Variants in ADAM23 observed in about 807,000 individuals in gnomAD.
The protein encoded by ADAM23 is ADAM metallopeptidase domain 23.
Under a neutral mutation model 120.1 loss-of-function variants are expected in ADAM23, and 33 were observed. That is an observed-to-expected ratio of 0.27 (90% confidence interval 0.21 to 0.37). ADAM23 has a LOEUF of 0.37. Among genes scored for constraint, ADAM23 ranks in the 10% least tolerant of loss-of-function variants. The pLI is 1.00. For synonymous variants in ADAM23, 367 were observed against 375.2 expected (o/e 0.98, Z 0.25); for missense variants, 862 against 1,058.2 (o/e 0.81, Z 2.57).
chr2:206,549,698 C>A (rs765929447), intron 8 of ADAM23, among the ~76,000 whole-genome samples: 3 of 151,914 alleles, frequency 2.0e-5, no homozygotes, highest in Non-Finnish European at 4.4e-5. Flanking sequence ...ATGAGTTTTA[C>A]ATAGATTTTC....
intron 18 of ADAM23, among the ~76,000 whole-genome samples, chr2:206,575,974 A>G (rs1435988640): frequency 6.6e-6 from 1 of 152,164 alleles, no homozygotes; most frequent in Non-Finnish European, 1.5e-5. Context: ...CCTAAGTAAC[A>G]TTTTTGTAAA....
intron 4 of ADAM23, among the ~76,000 whole-genome samples, chr2:206,541,435 A>G (rs931764184): frequency 2.0e-5 from 3 of 152,194 alleles, no homozygotes; most frequent in Admixed American, 6.5e-5. Context: ...TAGTCAGAAC[A>G]TAAAAAGTAT....
chr2:206,551,839 G>C (rs1235225053), intron 9 of ADAM23, among the ~76,000 whole-genome samples: 1 of 152,012 alleles, frequency 6.6e-6, no homozygotes, highest in Non-Finnish European at 1.5e-5. Flanking sequence ...TTTATTTTCT[G>C]TTCCAGTTGC....
Position 206,587,325 on chromosome 2 carries a change from T to C in ADAM23, c.1738T>C (p.Cys580Arg). Reference protein sequence around the residue: ...TEYCTGDSGQCPPNLHKQDGY... With the variant: ...TEYCTGDSGQRPPNLHKQDGY... ...TAACTAAAAAGATAATATTTTGCAG[T>C]GCCCACCAAATCTTCATAAGCAAGA... is the stretch of plus-strand genomic sequence containing the variant. Residue 580 changes from cysteine (C) to arginine (R), a missense_variant and splice_region_variant, in exon 19 of 26, where the codon TGC becomes CGC. Physicochemically the swap from Cys to Arg is radical, Grantham distance 180. This residue lies in a region of ADAM23 where 617 missense variants were observed against 813.5 expected (regional missense o/e 0.76). Coordinates refer to ENST00000264377, the MANE Select transcript of ADAM23 (RefSeq NM_003812.4). The C allele has an allele frequency of 6.2e-7, 1 of 1,606,430 alleles. No individual in the cohort carries two copies. Among genetic ancestry groups the C allele is most frequent in the Non-Finnish European group, 8.5e-7 (1 of 1,175,286 alleles).
chr2:206,552,673 T>C (rs191828268), intron 9 of ADAM23, among the ~76,000 whole-genome samples: 60 of 152,208 alleles, frequency 3.9e-4, no homozygotes, highest in Middle Eastern at 3.4e-3. Flanking sequence ...ATTATTGTTA[T>C]TATTTTGAGA....
intron 25 of ADAM23, among the ~76,000 whole-genome samples, chr2:206,614,144 T>C (rs945651099): frequency 1.3e-5 from 2 of 152,222 alleles, no homozygotes; most frequent in African/African-American, 2.4e-5. Flanking sequence ...TAGCTACTCC[T>C]TACATTAAAA....
chr2:206,588,523 C>T (rs1027630528), intron 20 of ADAM23, among the ~76,000 whole-genome samples: 1 of 152,136 alleles, frequency 6.6e-6, no homozygotes, highest in African/African-American at 2.4e-5. Context: ...CACAAGTTAG[C>T]TTTCTGGTTT....
At chr2:206,479,008 T>C (rs1695840778) in intron 2 of ADAM23, among the ~76,000 whole-genome samples, 1 of 152,180 alleles carries the variant, frequency 6.6e-6, no homozygotes, top group Non-Finnish European at 1.5e-5. Flanking sequence ...GACCATCACT[T>C]CTTAGAGGGC....
Position 206,592,639 on chromosome 2 carries a change from C to T in ADAM23, c.1981C>T (p.Leu661Phe), listed in dbSNP as rs1698446575. 6 of 1,610,992 alleles carry T rather than the reference C, an allele frequency of 3.7e-6. No individual in the cohort carries two copies. The highest frequency in any genetic ancestry group is 5.1e-6 in the Non-Finnish European group (6 of 1,178,594). ...SKHDVFCGFL[L>F]CTNLTRAPRI... ...CAGTGATGTGTTCTGTGGATTCTTACTCTGTACCAATCTTACTCGAGCTCC... is the reference window on the plus strand; with the variant it reads ...CAGTGATGTGTTCTGTGGATTCTTATTCTGTACCAATCTTACTCGAGCTCC... The change falls in exon 22 of 26, where the codon CTC (leucine) becomes TTC (phenylalanine). Residue 661 changes from leucine to phenylalanine, a missense_variant. By Grantham distance (22) the Leu-to-Phe change is conservative. Around this residue, in one of 4 missense-constraint regions of ADAM23, gnomAD observed 617 missense variants for 813.5 expected, o/e 0.76. Coordinates refer to ENST00000264377, the MANE Select transcript of ADAM23 (RefSeq NM_003812.4).
chr2:206,601,530 T>C (rs1192214434), intron 24 of ADAM23, among the ~76,000 whole-genome samples: 3 of 152,112 alleles, frequency 2.0e-5, no homozygotes, highest in African/African-American at 7.2e-5. Flanking sequence ...CCCAACACTT[T>C]AGGAAGCTGA....
rs114275547 is a variant in ADAM23, at chr2:206,520,562, C to T, written c.510-10323C>T. On this transcript the variant is annotated intron_variant, in intron 3 of 25. Coordinates refer to ENST00000264377, the MANE Select transcript of ADAM23 (RefSeq NM_003812.4). ...TTTTCTCTCACTCAGTATCTTCGGC[C>T]GTTAATTGAATGAGTGGAGGACAGT... Among the ~76,000 whole-genome samples the T allele has an allele frequency of 7.0e-3, 1,058 of 152,100 alleles. 8 individuals carry two copies. The highest frequency in any genetic ancestry group is 8.9e-3 in the Non-Finnish European group (603 of 68,004).
intron 22 of ADAM23, among the ~76,000 whole-genome samples, chr2:206,593,336 A>G (rs987150865): frequency 6.6e-5 from 10 of 152,196 alleles, no homozygotes; most frequent in African/African-American, 1.7e-4. Flanking sequence ...TAATTCGAAG[A>G]TACTATTCTC....
At chr2:206,593,202 G>T (rs531188698) in intron 22 of ADAM23, among the ~76,000 whole-genome samples, 3 of 152,256 alleles carry the variant, frequency 2.0e-5, no homozygotes, top group Middle Eastern at 3.4e-3. Flanking sequence ...TATGTATACC[G>T]ATAAGCAAAC....
chr2:206,606,598 A>G (rs1698732535), intron 24 of ADAM23: 2 of 152,200 alleles, frequency 1.3e-5, no homozygotes, highest in Admixed American at 6.5e-5. Flanking sequence ...GTGTAAATAA[A>G]TATATTGTGT....
intron 3 of ADAM23, among the ~76,000 whole-genome samples, chr2:206,485,511 G>A (rs1695992912): frequency 6.6e-6 from 1 of 152,232 alleles, no homozygotes; most frequent in Non-Finnish European, 1.5e-5. Context: ...AATCTTCAGA[G>A]TTGGTGACCT....
chr2:206,584,426 T>G (rs538608243), intron 18 of ADAM23, among the ~76,000 whole-genome samples: 1 of 152,272 alleles, frequency 6.6e-6, no homozygotes, highest in South Asian at 2.1e-4. Context: ...ACTCCCAAGA[T>G]TATATGCCCT....
chr2:206,562,129 A>G (rs933653517), intron 12 of ADAM23, 74 bp from the exon 13 acceptor site: 49 of 1,276,636 alleles, frequency 3.8e-5, no homozygotes, highest in Non-Finnish European at 5.3e-5. Context: ...ATTTGTGGTA[A>G]CAATTAAGAA....
intron 2 of ADAM23, among the ~76,000 whole-genome samples, chr2:206,460,480 G>A (rs572018445): frequency 3.9e-5 from 6 of 152,254 alleles, no homozygotes; most frequent in African/African-American, 7.2e-5. Flanking sequence ...CTAATGATTA[G>A]TGATGTTGAA....
At chr2:206,534,633 C>T (rs1467188838) in intron 4 of ADAM23, among the ~76,000 whole-genome samples, 1 of 152,136 alleles carries the variant, frequency 6.6e-6, no homozygotes, top group Non-Finnish European at 1.5e-5. Context: ...ATCAACAAAA[C>T]ACTATGAAAG....
Sources: allele counts gnomAD v4.1 joint callset (sites outside exome capture counted in the v4.1 genomes callset), GRCh38; gene constraint gnomAD v4.1.1; regional missense constraint gnomAD v4.1.1; transcripts MANE v1.5; gene names NCBI Gene and HGNC (gene_info 2026-07-23, HGNC 2026-07-21).